The following TCFL5 variants were observed in gnomAD, a reference collection of about 807,000 sequenced individuals.
TCFL5 encodes the protein transcription factor like 5.
Under a neutral mutation model 44.3 loss-of-function variants are expected in TCFL5, and 9 were observed. The observed-to-expected ratio is 0.20, with a 90% CI of 0.12 to 0.35. The LOEUF is 0.35. Ranked by LOEUF, TCFL5 falls within the 10% of genes least tolerant of loss-of-function variation. TCFL5 has a pLI of 1.00. For synonymous variants in TCFL5, 319 were observed against 271.6 expected (o/e 1.17, Z -1.72); for missense variants, 603 against 613.4 (o/e 0.98, Z 0.18).
intron 5 of TCFL5, chr20:62,845,708 T>G: frequency 6.2e-7 from 1 of 1,606,712 alleles, no homozygotes; most frequent in Non-Finnish European, 8.5e-7. Flanking sequence ...ACTTCCAATA[T>G]GACGAGGACT....
chr20:62,856,474 G>A lies in TCFL5; in HGVS notation c.1238+921C>T, dbSNP rs543947149. On this transcript the variant is annotated intron_variant, in intron 4 of 5. Coordinates refer to ENST00000335351, the MANE Select transcript of TCFL5 (RefSeq NM_006602.4). ...AATCCCAGCACTTTGGGAGGCCGAG[G>A]CGGGCAGATCACGAGGTCAGGAGAT... 2.7e-3 allele frequency among the ~76,000 whole-genome samples: 409 copies of A among 151,852 alleles called. 2 individuals are homozygous for A. Among genetic ancestry groups the A allele is most frequent in the Admixed American group, 4.3e-3 (65 of 15,228 alleles).
rs1353220680 is a variant in TCFL5 at position 62,851,881 on chromosome 20, C to T, written c.1380+2135G>A. Reference sequence around the variant, plus strand: ...CTGCAGTGCAGTGGTGCTATCTTGGCTCATTGCAACCTCCGCCTCCCGGGT... The same window carrying T: ...CTGCAGTGCAGTGGTGCTATCTTGGTTCATTGCAACCTCCGCCTCCCGGGT... On this transcript the variant is annotated intron_variant, in intron 5 of 5. Transcript: ENST00000335351. 5.3e-6 allele frequency: 5 copies of T among 945,754 alleles called. No individual in the cohort carries two copies. The African/African-American group carries it at 5.3e-5, about 10-fold the overall frequency. 58.6% of individuals were successfully genotyped at this position (945,754 alleles called of 1,614,324 possible).
Position 62,857,310 on chromosome 20 carries a change from G to A in TCFL5, c.1238+85C>T, listed in dbSNP as rs141407768. 2.2e-4 allele frequency: 347 copies of A among 1,544,360 alleles called. No homozygotes were observed. The Middle Eastern group carries it at 2.4e-3, about 11-fold the overall frequency. On this transcript the variant is annotated intron_variant, in intron 4 of 5. Coordinates refer to ENST00000335351, the MANE Select transcript of TCFL5 (RefSeq NM_006602.4). ...CTTTATTCCCTCTGAACGCAGAAAC[G>A]GCTAAGGATCACTCATCTGTGATAA...
At chr20:62,850,928 G>A (rs911590949) in intron 5 of TCFL5, among the ~76,000 whole-genome samples, 4 of 152,144 alleles carry the variant, frequency 2.6e-5, no homozygotes, top group South Asian at 2.1e-4. Context: ...CCTTCCACCC[G>A]CAAGGCCCTG....
At position 62,860,267 on chromosome 20, in the gene TCFL5, A is replaced by G. The variant is rs372882112; in HGVS notation, c.689T>C (p.Val230Ala). The change falls in exon 2 of 6, where the codon GTT (valine) becomes GCT (alanine). Residue 230 changes from valine (V) to alanine (A), a missense_variant. Transcript: ENST00000335351. ...LIRHPSELMN[V>A]PLQQQNKCTA... ...ACATTTGTTTTGTTGCTGAAGAGGA[A>G]CATTCATTAGTTCAGATGGATGTCG... 2 of 1,613,538 alleles carry G rather than the reference A, an allele frequency of 1.2e-6. No individual in the cohort carries two copies. Among genetic ancestry groups the G allele is most frequent in the African/African-American group, 1.3e-5 (1 of 75,042 alleles).
At chr20:62,849,270 G>C (rs564608375) in intron 5 of TCFL5, among the ~76,000 whole-genome samples, 2 of 152,312 alleles carry the variant, frequency 1.3e-5, no homozygotes, top group Admixed American at 6.5e-5. Context: ...CCGGCAGGGA[G>C]AATGGAGCAA....
chr20:62,860,019 T>C (rs1344812615), intron 2 of TCFL5, 106 bp downstream of exon 2: 5 of 1,170,054 alleles, frequency 4.3e-6, no homozygotes, highest in Non-Finnish European at 6.1e-6. Flanking sequence ...TAAAAGGTTA[T>C]TAAGCTCACT....
chr20:62,848,842 C>G (rs2063775609), intron 5 of TCFL5, among the ~76,000 whole-genome samples: 1 of 151,998 alleles, frequency 6.6e-6, no homozygotes, highest in African/African-American at 2.4e-5. Context: ...TCAAAATCAG[C>G]CTGGCCAACA....
chr20:62,859,087 C>T (rs1298505994), intron 3 of TCFL5, among the ~76,000 whole-genome samples: 1 of 152,138 alleles, frequency 6.6e-6, no homozygotes, highest in Admixed American at 6.5e-5. Context: ...TTGAAAATAA[C>T]TGAAAATTTA....
chr20:62,845,126 T>G, intron 5 of TCFL5: 5 of 971,612 alleles, frequency 5.1e-6, no homozygotes, highest in Non-Finnish European at 6.1e-6. Context: ...CTTCCCAATT[T>G]TTTTTTTTTT....
intron 5 of TCFL5, among the ~76,000 whole-genome samples, chr20:62,853,058 G>C (rs756171649): frequency 6.7e-6 from 1 of 149,982 alleles, no homozygotes; most frequent in Non-Finnish European, 1.5e-5. Flanking sequence ...GTCCACAGAA[G>C]TACAGTCACC....
At chr20:62,859,948 A>ACC (rs1352694932) in intron 2 of TCFL5, among the ~76,000 whole-genome samples, 177 bp downstream of exon 2, 1 of 151,914 alleles carries the variant, frequency 6.6e-6, no homozygotes, top group East Asian at 1.9e-4. Flanking sequence ...AACTCAAATG[A>ACC]CCCACCCACC....
At chr20:62,846,731 C>T (rs1031095826) in intron 5 of TCFL5, among the ~76,000 whole-genome samples, 37 of 148,258 alleles carry the variant, frequency 2.5e-4, no homozygotes, top group Admixed American at 1.7e-3. Flanking sequence ...GCACCGCACT[C>T]CAGCCTGGGT....
chr20:62,859,589 C>CAAATG lies in TCFL5; in HGVS notation c.832-68_832-64dup. The stretch of plus-strand genomic sequence containing the variant: ...GTGGCTTACTCTCCTCTTTACTGCA[C>CAAATG]AAATGAAATGCACTTAACAAACATC... On this transcript the variant is annotated intron_variant, in intron 2 of 5. Coordinates refer to ENST00000335351, the MANE Select transcript of TCFL5 (RefSeq NM_006602.4). The CAAATG allele has an allele frequency of 1.2e-5, 17 of 1,459,100 alleles. No individual in the cohort carries two copies. In the South Asian group the frequency reaches 2.2e-4, roughly 19 times the overall value. The allele number at this position is 1,459,100 out of a possible 1,614,324, so 90.4% of individuals were successfully genotyped here.
chr20:62,852,191 C>A, intron 5 of TCFL5: 1 of 985,448 alleles, frequency 1.0e-6, no homozygotes, highest in Non-Finnish European at 1.2e-6. Context: ...TCAACAGCAG[C>A]AATTCCCCAA....
chr20:62,848,078 G>A (rs1044711851), intron 5 of TCFL5, among the ~76,000 whole-genome samples: 5 of 152,248 alleles, frequency 3.3e-5, no homozygotes, highest in Admixed American at 6.5e-5. Flanking sequence ...CAGCGTGTCC[G>A]CAGGAAAGGA....
At chr20:62,859,557 T>C in intron 2 of TCFL5, 31 bp from the exon 3 acceptor site, 1 of 1,598,322 alleles carries the variant, frequency 6.3e-7, no homozygotes, top group Non-Finnish European at 8.5e-7. Flanking sequence ...AGGAATTTTA[T>C]CAATATGTGG....
rs2063679774 is a variant in TCFL5 at position 62,841,488 on chromosome 20, TCA to T, written c.*485_*486del. 6.5e-6 allele frequency: 1 copy of T among 154,770 alleles called. No individual in the cohort carries two copies. The highest frequency in any genetic ancestry group is 6.3e-5 in the Admixed American group (1 of 15,754). 9.6% of individuals were successfully genotyped at this position (154,770 alleles called of 1,614,324 possible). A position where few individuals can be genotyped will look rare whatever the true frequency, so the allele number is the denominator to read the frequency against. ...ACGTTGCAATACAGCAGCACGTGACTCAGAGTCATGACAAGGGGGTGTGATAT... is the reference window on the plus strand; with the variant it reads ...ACGTTGCAATACAGCAGCACGTGACTGAGTCATGACAAGGGGGTGTGATAT... On this transcript the variant is annotated 3_prime_UTR_variant, in exon 6 of 6. Transcript: ENST00000335351.
chr20:62,861,260 C>T lies in TCFL5; in HGVS notation c.411G>A (p.Ala137=). Residue 137 remains alanine (A), a synonymous_variant, in exon 1 of 6, where the codon GCG becomes GCA. Transcript: ENST00000335351. This position sits in a 1 kb window ranked among gnomAD's most constrained non-coding sequence, Gnocchi z 4.0. ...CGCCCGACGTCTTCTCCGCCGCGCCCGCCTCGCTTAGCAGCATCATGCGCA... is the reference window on the plus strand; with the variant it reads ...CGCCCGACGTCTTCTCCGCCGCGCCTGCCTCGCTTAGCAGCATCATGCGCA... ...QELRMMLLSE[A]GAAEKTSGGG... 1 of 1,208,050 alleles carries T rather than the reference C, an allele frequency of 8.3e-7. No individual in the cohort carries two copies. Among genetic ancestry groups the T allele is most frequent in the Non-Finnish European group, 1.0e-6 (1 of 953,870 alleles). The allele number at this position is 1,208,050 out of a possible 1,614,324, so 74.8% of individuals were successfully genotyped here. A position where few individuals can be genotyped will look rare whatever the true frequency, so the allele number is the denominator to read the frequency against.
Sources: gnomAD v4.1 joint callset for allele counts (sites outside exome capture counted in the v4.1 genomes callset) on GRCh38, gnomAD v4.1.1 for gene constraint, Gnocchi (gnomAD v3.1) non-coding constraint, MANE v1.5 for transcripts, NCBI Gene and HGNC (gene_info 2026-07-23, HGNC 2026-07-21) for gene names.